The following TTC27 variants were observed in gnomAD, a reference collection of about 807,000 sequenced individuals.
TTC27 encodes tetratricopeptide repeat domain 27, also known as tetratricopeptide repeat protein 27.
Under a neutral mutation model 115.9 loss-of-function variants are expected in TTC27, and 79 were observed. That is an observed-to-expected ratio of 0.68 (90% CI 0.57 to 0.82). The LOEUF (loss-of-function observed/expected upper bound fraction) is 0.82. Ranked by LOEUF, TTC27 falls within the 40% of genes least tolerant of loss-of-function variation. The pLI is 0.00. For synonymous variants in TTC27, 401 were observed against 356.0 expected, an observed-to-expected ratio of 1.13 and a Z score of -1.42; for missense variants, 1,054 against 993.1, an observed-to-expected ratio of 1.06 and a Z score of -0.82.
chr2:32,710,427 C>CTTTTTT (rs10651873), intron 10 of TTC27, among the ~76,000 whole-genome samples: 1 of 129,854 alleles, frequency 7.7e-6, no homozygotes, highest in African/African-American at 2.9e-5. Context: ...AAGTATATAG[C>CTTTTTT]TTTTTTTTTT....
At chr2:32,782,730 A>C in intron 15 of TTC27, 52 bp downstream of exon 15, 1 of 1,422,098 alleles carries the variant, frequency 7.0e-7, no homozygotes, top group East Asian at 2.3e-5. Flanking sequence ...TAAATGAATG[A>C]GATTTTCTAC....
At chr2:32,729,605 T>C (rs1290594172) in intron 10 of TTC27, among the ~76,000 whole-genome samples, 1 of 152,144 alleles carries the variant, frequency 6.6e-6, no homozygotes, top group Non-Finnish European at 1.5e-5. Flanking sequence ...TCTTAAAACT[T>C]GAAAACAGTC....
intron 7 of TTC27, among the ~76,000 whole-genome samples, chr2:32,671,310 G>T (rs1218930238): frequency 6.6e-6 from 1 of 151,694 alleles, no homozygotes; most frequent in South Asian, 2.1e-4. Context: ...TTTCCAAATG[G>T]ATATCCAGTT....
intron 5 of TTC27, among the ~76,000 whole-genome samples, chr2:32,656,432 G>T (rs576921754): frequency 2.0e-5 from 3 of 152,276 alleles, no homozygotes; most frequent in African/African-American, 7.2e-5. Flanking sequence ...CATGTACTAT[G>T]TGCAAGAGAG....
intron 10 of TTC27, among the ~76,000 whole-genome samples, chr2:32,725,217 A>G (rs1309969901): frequency 6.6e-6 from 1 of 152,100 alleles, no homozygotes; most frequent in Non-Finnish European, 1.5e-5. Context: ...AAAATCAATC[A>G]TGCCATCCCA....
At chr2:32,818,100 C>T (rs1305212683) in intron 19 of TTC27, among the ~76,000 whole-genome samples, 1 of 151,842 alleles carries the variant, frequency 6.6e-6, no homozygotes, top group Non-Finnish European at 1.5e-5. Context: ...TACAATTCAG[C>T]CCTTAATGCT....
chr2:32,759,053 A>G (rs1669344603), intron 13 of TTC27, among the ~76,000 whole-genome samples: 1 of 152,234 alleles, frequency 6.6e-6, no homozygotes, highest in Non-Finnish European at 1.5e-5. Flanking sequence ...TCTTTAAACT[A>G]AGTGACATGA....
intron 3 of TTC27, among the ~76,000 whole-genome samples, chr2:32,639,038 T>G (rs756216450): frequency 4.6e-5 from 7 of 152,016 alleles, no homozygotes; most frequent in Admixed American, 1.3e-4. Context: ...TTCACCGTGT[T>G]AGCCAGGATG....
intron 9 of TTC27, among the ~76,000 whole-genome samples, chr2:32,682,847 G>GTTT (rs70938360): frequency 1.5e-3 from 74 of 49,768 alleles, no homozygotes; most frequent in African/African-American, 1.7e-3. Context: ...TTTTATTGTT[G>GTTT]TTTTTTTTTT....
chr2:32,812,810 A>G (rs898758434), intron 18 of TTC27, among the ~76,000 whole-genome samples, 195 bp downstream of exon 18: 2 of 152,264 alleles, frequency 1.3e-5, no homozygotes, highest in African/African-American at 4.8e-5. Flanking sequence ...TAAGAAGAAG[A>G]AACAGGATAG....
chr2:32,731,902 T>A (rs1196859075), intron 10 of TTC27, among the ~76,000 whole-genome samples: 1 of 152,228 alleles, frequency 6.6e-6, no homozygotes, highest in Admixed American at 6.5e-5. Flanking sequence ...ATTTACTGAG[T>A]ACCTAATATG....
chr2:32,725,701 C>A (rs1668085121), intron 10 of TTC27, among the ~76,000 whole-genome samples: 1 of 152,160 alleles, frequency 6.6e-6, no homozygotes, highest in African/African-American at 2.4e-5. Context: ...AGGATGGTGG[C>A]CCTCTTCTCA....
rs1348718305 is a variant in TTC27 at position 32,633,967 on chromosome 2, G to T, written c.358G>T (p.Asp120Tyr). 3.1e-6 allele frequency: 5 copies of T among 1,613,780 alleles called. No homozygotes were observed. ...TGPPVDLHPQ[D>Y]FLSSVLFQQF... is the part of the protein sequence containing the mutation. Reference sequence around the variant, plus strand: ...GCCCCCTGTTGACTTACACCCTCAGGACTTTTTGTCATCTGTTTTGTTCCA... The same window carrying T: ...GCCCCCTGTTGACTTACACCCTCAGTACTTTTTGTCATCTGTTTTGTTCCA... Residue 120 changes from aspartate (D) to tyrosine (Y), a missense_variant, in exon 3 of 20, where the codon GAC (aspartate) becomes TAC (tyrosine). Physicochemically the swap from Asp to Tyr is radical, Grantham distance 160 (BLOSUM62 -3). Transcript: ENST00000317907.
rs181890557 is a variant in TTC27, at chr2:32,720,323, C to T, written c.1234-13505C>T. Reference sequence around the variant, plus strand: ...TTTTTACATTCTCAAAATGAACACTCAATGGATGTTTGCTAAATGATGAAT... The same window carrying T: ...TTTTTACATTCTCAAAATGAACACTTAATGGATGTTTGCTAAATGATGAAT... On this transcript the variant is annotated intron_variant, in intron 10 of 19. Transcript: ENST00000317907. Among the ~76,000 whole-genome samples the T allele has an allele frequency of 1.1e-3, 174 of 152,270 alleles. 2 individuals are homozygous for T. The South Asian group carries it at 0.013, about 12-fold the overall frequency.
intron 14 of TTC27, 81 bp downstream of exon 14, chr2:32,778,061 C>T (rs1049162458): frequency 7.5e-7 from 1 of 1,325,992 alleles, no homozygotes; most frequent in Non-Finnish European, 1.1e-6. Flanking sequence ...TTCAGAACAG[C>T]AATTCCTTTT....
chr2:32,799,817 T>C (rs2148034905), intron 16 of TTC27, among the ~76,000 whole-genome samples: 1 of 152,332 alleles, frequency 6.6e-6, no homozygotes, highest in Non-Finnish European at 1.5e-5. Context: ...ATCTGTGGGA[T>C]AAAAATAGGA....
chr2:32,767,425 C>T (rs901478171), intron 13 of TTC27, among the ~76,000 whole-genome samples: 1 of 147,976 alleles, frequency 6.8e-6, no homozygotes, highest in Non-Finnish European at 1.5e-5. Context: ...CCAAAAGATA[C>T]TAAGTGAATA....
At chr2:32,792,853 C>T (rs1414613671) in intron 16 of TTC27, among the ~76,000 whole-genome samples, 7 of 152,200 alleles carry the variant, frequency 4.6e-5, no homozygotes. Flanking sequence ...ATACATTTCT[C>T]TTTGTGGAGA....
intron 16 of TTC27, among the ~76,000 whole-genome samples, chr2:32,806,445 G>C (rs1222676142): frequency 5.9e-5 from 9 of 152,132 alleles, no homozygotes. Flanking sequence ...TGGATAACCA[G>C]AATTTGAATT....
Sources: allele counts gnomAD v4.1 joint callset (sites outside exome capture counted in the v4.1 genomes callset), GRCh38; gene constraint gnomAD v4.1.1; transcripts MANE v1.5; gene names NCBI Gene and HGNC (gene_info 2026-07-23, HGNC 2026-07-21).